Variants in JPT1 observed in about 807,000 individuals in gnomAD.
The protein encoded by JPT1 is Jupiter microtubule associated homolog 1.
A neutral mutation model predicts 17.0 loss-of-function variants in JPT1; 5 were observed. That is an observed-to-expected ratio of 0.29 (90% CI 0.15 to 0.62). The LOEUF is 0.62. Ranked by LOEUF, JPT1 falls within the 20% of genes least tolerant of loss-of-function variation. The probability of loss-of-function intolerance (pLI) is 0.85; values close to 1 mark genes in which losing one functional copy is unlikely to be tolerated. For synonymous variants in JPT1, 71 were observed against 73.6 expected (o/e 0.96, Z 0.18); for missense variants, 158 against 188.1 (o/e 0.84, Z 0.94).
Position 75,154,476 on chromosome 17 carries a change from C to T in JPT1, c.-79G>A. ...ACCCGAGGGGCGCTGGGAAACTCCA[C>T]ACCCAACAGCCGACCACCGCTGCAG... On this transcript the variant is annotated 5_prime_UTR_variant, in exon 1 of 5. The change creates a new upstream start codon in the 5' untranslated region. Coordinates refer to ENST00000409753, the MANE Select transcript of JPT1 (RefSeq NM_016185.4). The T allele has an allele frequency of 1.5e-6, 2 of 1,349,358 alleles. No individual in the cohort carries two copies. Among genetic ancestry groups the T allele is most frequent in the Non-Finnish European group, 2.0e-6 (2 of 986,948 alleles). 83.6% of individuals were successfully genotyped at this position (1,349,358 alleles called of 1,614,324 possible).
At chr17:75,150,882 C>G (rs1175109616) in intron 1 of JPT1, among the ~76,000 whole-genome samples, 2 of 121,150 alleles carry the variant, frequency 1.7e-5, no homozygotes, top group Non-Finnish European at 3.5e-5. Context: ...GAGACAGAAT[C>G]CTGCTCTGTT....
intron 1 of JPT1, among the ~76,000 whole-genome samples, chr17:75,152,363 C>CCCTA (rs1186475265): frequency 2.0e-5 from 3 of 152,108 alleles, no homozygotes; most frequent in Non-Finnish European, 4.4e-5. Flanking sequence ...GCAGATCATT[C>CCCTA]CCTACCAGAC....
chr17:75,137,896 C>G (rs975315981), intron 4 of JPT1, among the ~76,000 whole-genome samples: 5 of 151,466 alleles, frequency 3.3e-5, no homozygotes, highest in African/African-American at 1.2e-4. Context: ...GAGCCACCTA[C>G]CTTGGCCTCC....
At position 75,148,937 on chromosome 17, in the gene JPT1, ATAAC is replaced by A. The variant is rs1156251544; in HGVS notation, c.57-270_57-267del. Among the ~76,000 whole-genome samples, 10 of 152,346 alleles carry A rather than the reference ATAAC, an allele frequency of 6.6e-5. No homozygotes were observed. The East Asian group carries it at 7.7e-4, about 12-fold the overall frequency. On this transcript the variant is annotated intron_variant, in intron 1 of 4. Transcript: ENST00000409753. ...TGAAACAGCATGGAACTCATCATAA[ATAAC>A]AGCCTGGTTGGTGTCCCCTTTTCAG... is the stretch of plus-strand genomic sequence containing the variant.
At chr17:75,151,216 C>T (rs1017156080) in intron 1 of JPT1, among the ~76,000 whole-genome samples, 2 of 152,008 alleles carry the variant, frequency 1.3e-5, no homozygotes, top group African/African-American at 4.8e-5. Flanking sequence ...ACCTGTAATC[C>T]CAGCTACTCC....
At chr17:75,144,250 A>G (rs1171254372) in intron 4 of JPT1, among the ~76,000 whole-genome samples, 1 of 152,062 alleles carries the variant, frequency 6.6e-6, no homozygotes, top group Non-Finnish European at 1.5e-5. Context: ...ACCCAGGTAC[A>G]GTGGCTCATG....
chr17:75,139,773 G>A (rs568000377), intron 4 of JPT1, among the ~76,000 whole-genome samples: 9 of 152,128 alleles, frequency 5.9e-5, no homozygotes, highest in African/African-American at 1.2e-4. Flanking sequence ...AGCCAAGATC[G>A]TGCCACAGCA....
chr17:75,144,084 A>C (rs530013940), intron 4 of JPT1, among the ~76,000 whole-genome samples: 12 of 152,210 alleles, frequency 7.9e-5, no homozygotes, highest in Non-Finnish European at 1.2e-4. Context: ...GTGGAAGCTG[A>C]CAGGAAGGTG....
At position 75,152,668 on chromosome 17, in the gene JPT1, T is replaced by G. The variant is rs150753885; in HGVS notation, c.56+1674A>C. Among the ~76,000 whole-genome samples the G allele has an allele frequency of 1.6e-3, 237 of 152,254 alleles. 2 individuals carry two copies. Among genetic ancestry groups the G allele is most frequent in the African/African-American group, 5.6e-3 (234 of 41,528 alleles). ...TTCTTTACAAAACACTAATATCAAC[T>G]CAACCCCAAAGAATAAAACCCCAGA... is the stretch of plus-strand genomic sequence containing the variant. On this transcript the variant is annotated intron_variant, in intron 1 of 4. Coordinates refer to ENST00000409753, the MANE Select transcript of JPT1 (RefSeq NM_016185.4).
At position 75,150,066 on chromosome 17, in the gene JPT1, A is replaced by G. The variant is rs920583756; in HGVS notation, c.57-1395T>C. Among the ~76,000 whole-genome samples the G allele has an allele frequency of 2.6e-5, 4 of 152,302 alleles. No individual in the cohort carries two copies. In the East Asian group the frequency reaches 5.8e-4, roughly 22 times the overall value. On this transcript the variant is annotated intron_variant, in intron 1 of 4. Coordinates refer to ENST00000409753, the MANE Select transcript of JPT1 (RefSeq NM_016185.4). Reference sequence around the variant, plus strand: ...AGTATAAGATTCCATGACATGGTCTATATCAGTGTTCCTTTGAATATCATC... The same window carrying G: ...AGTATAAGATTCCATGACATGGTCTGTATCAGTGTTCCTTTGAATATCATC...
chr17:75,145,824 G>C (rs1361248255), intron 4 of JPT1: 1 of 152,244 alleles, frequency 6.6e-6, no homozygotes, highest in African/African-American at 2.4e-5. Flanking sequence ...GCCAGTAATA[G>C]CAGCACTTGG....
Position 75,135,351 on chromosome 17 carries a change from A to G in JPT1, c.*751T>C, listed in dbSNP as rs2074171849. 6.6e-6 allele frequency: 1 copy of G among 152,642 alleles called. No individual in the cohort carries two copies. Among genetic ancestry groups the G allele is most frequent in the Non-Finnish European group, 1.5e-5 (1 of 68,070 alleles). The allele number at this position is 152,642 out of a possible 1,614,324, so 9.5% of individuals were successfully genotyped here. ...CCTTTCATGGTCAAGCACCAGCATC[A>G]TGCACACAGCATCAGGTTATTTAAA... On this transcript the variant is annotated 3_prime_UTR_variant, in exon 5 of 5. Transcript: ENST00000409753.
At position 75,154,454 on chromosome 17, in the gene JPT1, C is replaced by A; in HGVS notation, c.-57G>T. 1.3e-6 allele frequency: 2 copies of A among 1,497,068 alleles called. No homozygotes were observed. The allele number at this position is 1,497,068 out of a possible 1,614,324, so 92.7% of individuals were successfully genotyped here. On this transcript the variant is annotated 5_prime_UTR_variant, in exon 1 of 5. Coordinates refer to ENST00000409753, the MANE Select transcript of JPT1 (RefSeq NM_016185.4). ...AGCAGAACGCTCAAAGGGTCGGACC[C>A]GAGGGGCGCTGGGAAACTCCACACC...
At chr17:75,150,858 T>C (rs1438877308) in intron 1 of JPT1, among the ~76,000 whole-genome samples, 1 of 142,444 alleles carries the variant, frequency 7.0e-6, no homozygotes, top group Non-Finnish European at 1.5e-5. Context: ...TTTTTTTTTT[T>C]TTTTTTTTTT....
At chr17:75,137,583 G>A (rs1191873672) in intron 4 of JPT1, among the ~76,000 whole-genome samples, 2 of 150,150 alleles carry the variant, frequency 1.3e-5, no homozygotes, top group African/African-American at 4.9e-5. Flanking sequence ...TACCCAGGCT[G>A]GTCTCAAATT....
In JPT1 at chr17:75,154,384, G is replaced by A; in HGVS notation, c.14C>T (p.Thr5Ile). The change falls in exon 1 of 5, where the codon ACC (threonine) becomes ATC (isoleucine). Residue 5 changes from threonine (T) to isoleucine (I), a missense_variant. By Grantham distance (89) the Thr-to-Ile change is moderately conservative. Transcript: ENST00000409753. ...GTTGGGGTCGACTCCCTTGAAGGTGGTGGTTGTGGTCATGGCGCCGAGGAG... is the reference window on the plus strand; with the variant it reads ...GTTGGGGTCGACTCCCTTGAAGGTGATGGTTGTGGTCATGGCGCCGAGGAG... MTTT[T>I]TFKGVDPNSR... The A allele has an allele frequency of 1.3e-6, 2 of 1,549,198 alleles. No homozygotes were observed. Among genetic ancestry groups the A allele is most frequent in the Non-Finnish European group, 1.7e-6 (2 of 1,146,144 alleles).
At chr17:75,139,236 GCCT>G (rs1441943783) in intron 4 of JPT1, among the ~76,000 whole-genome samples, 1 of 152,170 alleles carries the variant, frequency 6.6e-6, no homozygotes, top group Non-Finnish European at 1.5e-5. Context: ...GTGGGACATG[GCCT>G]CCTGCTATAC....
rs2145202756 is a variant in JPT1 at position 75,154,252 on chromosome 17, T to C, written c.56+90A>G. 3 of 1,079,026 alleles carry C rather than the reference T, an allele frequency of 2.8e-6. No homozygotes were observed. In the East Asian group the frequency reaches 1.0e-4, roughly 37 times the overall value. The allele number at this position is 1,079,026 out of a possible 1,614,324, so 66.8% of individuals were successfully genotyped here. ...CGCGAGCACAGCGCACGGGGCTCGT[T>C]ACCCGCAACGACCGGCGCGAGGCCC... On this transcript the variant is annotated intron_variant, in intron 1 of 4. Transcript: ENST00000409753.
intron 1 of JPT1, among the ~76,000 whole-genome samples, chr17:75,151,084 C>T (rs2145196111): frequency 1.3e-5 from 2 of 151,658 alleles, no homozygotes; most frequent in South Asian, 4.2e-4. Context: ...CATCTCCTGA[C>T]CTCATGATCT....
Sources: allele counts gnomAD v4.1 joint callset (sites outside exome capture counted in the v4.1 genomes callset), GRCh38; gene constraint gnomAD v4.1.1; transcripts MANE v1.5; gene names NCBI Gene and HGNC (gene_info 2026-07-23, HGNC 2026-07-21).